Variants in ZSCAN12 observed in about 807,000 individuals in gnomAD.
ZSCAN12 encodes zinc finger and SCAN domain-containing protein 12.
ZSCAN12 carries 18 observed loss-of-function variants against 23.4 expected under a neutral mutation model. The ratio of observed to expected loss-of-function variants is 0.77; its 90% confidence interval spans 0.53 to 1.14. The LOEUF (loss-of-function observed/expected upper bound fraction) is 1.14. Among genes scored for constraint, ZSCAN12 ranks in the 50% most tolerant of loss-of-function variants. ZSCAN12 has a pLI of 0.00. For synonymous variants in ZSCAN12, 186 were observed against 253.4 expected, an observed-to-expected ratio of 0.73 and a Z score of 2.53; for missense variants, 650 against 735.0, an observed-to-expected ratio of 0.88 and a Z score of 1.34.
rs1760855650 is a variant in ZSCAN12 at position 28,391,840 on chromosome 6, C to G, written c.548-98G>C. On this transcript the variant is annotated intron_variant, in intron 3 of 3. Coordinates refer to ENST00000684592, the MANE Select transcript of ZSCAN12 (RefSeq NM_001163391.2). This position sits in a 1 kb window ranked among gnomAD's most constrained non-coding sequence, Gnocchi z 4.1. ...GTTTAGAAATAAAAAATGCAAGAGTCTACCATCTTAGTGATAAAGAGAGCA... is the reference window on the plus strand; with the variant it reads ...GTTTAGAAATAAAAAATGCAAGAGTGTACCATCTTAGTGATAAAGAGAGCA... 9.5e-7 allele frequency: 1 copy of G among 1,051,554 alleles called. No homozygotes were observed. Among genetic ancestry groups the G allele is most frequent in the South Asian group, 1.8e-5 (1 of 54,944 alleles). The allele number at this position is 1,051,554 out of a possible 1,614,324, so 65.1% of individuals were successfully genotyped here.
At chr6:28,393,103 A>G (rs1581779052) in intron 2 of ZSCAN12, 57 bp from the exon 3 acceptor site, 1 of 1,534,074 alleles carries the variant, frequency 6.5e-7, no homozygotes, top group Non-Finnish European at 8.8e-7. Context: ...AACAAAAAGT[A>G]TACTATTTGT....
At position 28,386,780 on chromosome 6, in the gene ZSCAN12, T is replaced by C. The variant is rs999710453; in HGVS notation, c.*3674A>G. 6.6e-6 allele frequency among the ~76,000 whole-genome samples: 1 copy of C among 152,212 alleles called. No individual in the cohort carries two copies. The highest frequency in any genetic ancestry group is 2.4e-5 in the African/African-American group (1 of 41,462). On this transcript the variant is annotated 3_prime_UTR_variant, in exon 4 of 4. Transcript: ENST00000684592. ...ACCTTTTTTTGGTACTACAACTGTA[T>C]TTAAGCATGAGAAATAACCAGAACA...
chr6:28,386,595 T>C lies in ZSCAN12; in HGVS notation c.*3859A>G, dbSNP rs1760553019. On this transcript the variant is annotated 3_prime_UTR_variant, in exon 4 of 4. Coordinates refer to ENST00000684592, the MANE Select transcript of ZSCAN12 (RefSeq NM_001163391.2). ...CCTAATGTAGCACTCCTATTCCATA[T>C]CTAACATGTCACATCCTCCATTTGC... Among the ~76,000 whole-genome samples the C allele has an allele frequency of 6.6e-6, 1 of 152,226 alleles. No homozygotes were observed. Among genetic ancestry groups the C allele is most frequent in the African/African-American group, 2.4e-5 (1 of 41,462 alleles).
chr6:28,384,143 C>T (rs568042753), downstream of ZSCAN12, among the ~76,000 whole-genome samples: 5 of 152,216 alleles, frequency 3.3e-5, 1 homozygote, highest in South Asian at 8.3e-4. Context: ...GTTCTTAAAC[C>T]CTATCTCAGG....
intron 2 of ZSCAN12, among the ~76,000 whole-genome samples, chr6:28,395,744 AT>A (rs1204004546): frequency 6.6e-6 from 1 of 152,132 alleles, no homozygotes; most frequent in African/African-American, 2.4e-5. Context: ...TAAGCATTTT[AT>A]TTCATCTCCT....
Position 28,390,446 on chromosome 6 carries a change from T to C in ZSCAN12, c.*8A>G. ...CCTGAACTCTGTGAGATAACTTCCC[T>C]GTAGTCATCACACAGAAACAGATTT... On this transcript the variant is annotated 3_prime_UTR_variant, in exon 4 of 4. Transcript: ENST00000684592. The C allele has an allele frequency of 6.6e-7, 1 of 1,525,504 alleles. No homozygotes were observed. The highest frequency in any genetic ancestry group is 8.8e-7 in the Non-Finnish European group (1 of 1,134,304). 94.5% of individuals were successfully genotyped at this position (1,525,504 alleles called of 1,614,324 possible). A position where few individuals can be genotyped will look rare whatever the true frequency, so the allele number is the denominator to read the frequency against.
At chr6:28,397,421 A>G (rs932411955) in intron 2 of ZSCAN12, among the ~76,000 whole-genome samples, 3 of 152,184 alleles carry the variant, frequency 2.0e-5, no homozygotes, top group Admixed American at 1.3e-4. Flanking sequence ...TAAAATCTCA[A>G]TTCCAGAGGT....
Position 28,398,250 on chromosome 6 carries a change from G to A in ZSCAN12, c.156C>T (p.Phe52=), listed in dbSNP as rs1382397742. Residue 52 remains phenylalanine (F), a synonymous_variant, in exon 2 of 4, where the codon TTC becomes TTT. Transcript: ENST00000684592. Reference sequence around the variant, plus strand: ...GGGGACCAGATGTCTCCTGGTAGCAGAACTGTCTGAAGTACTGACGGAAGA... The same window carrying A: ...GGGGACCAGATGTCTCCTGGTAGCAAAACTGTCTGAAGTACTGACGGAAGA... ...REVFRQYFRQ[F]CYQETSGPRE... 1.2e-6 allele frequency: 2 copies of A among 1,613,588 alleles called. No individual in the cohort carries two copies. The highest frequency in any genetic ancestry group is 2.7e-5 in the African/African-American group (2 of 74,928).
chr6:28,394,669 CACATTTAAA>C (rs1197093988), intron 2 of ZSCAN12, among the ~76,000 whole-genome samples: 3 of 152,148 alleles, frequency 2.0e-5, no homozygotes, highest in Non-Finnish European at 4.4e-5. Context: ...ACAAATTCAG[CACATTTAAA>C]ACCAAATTAC....
chr6:28,394,999 A>G (rs567520625), intron 2 of ZSCAN12, among the ~76,000 whole-genome samples: 44 of 151,966 alleles, frequency 2.9e-4, no homozygotes, highest in Non-Finnish European at 4.1e-4. Context: ...CAGTGGCAAG[A>G]TCTTGGTTCA....
intron 2 of ZSCAN12, among the ~76,000 whole-genome samples, chr6:28,394,057 T>C (rs1394955212): frequency 6.6e-6 from 1 of 152,220 alleles, no homozygotes; most frequent in Non-Finnish European, 1.5e-5. Context: ...CCATCACTTT[T>C]GGCTTCTCTC....
chr6:28,390,633 A>G lies in ZSCAN12; in HGVS notation c.1657T>C (p.Tyr553His). ...GCTTTTCCACACTCATCACATTGGT[A>G]GGGCTTCTCCCCAGTGTGGATTCTC... ...HQRIHTGEKP[Y>H]QCDECGKAFR... is the part of the protein sequence containing the mutation. Residue 553 changes from tyrosine (Y) to histidine (H), a missense_variant, in exon 4 of 4, where the codon TAC (tyrosine) becomes CAC (histidine). Coordinates refer to ENST00000684592, the MANE Select transcript of ZSCAN12 (RefSeq NM_001163391.2). 6.2e-7 allele frequency: 1 copy of G among 1,613,262 alleles called. No individual in the cohort carries two copies. The highest frequency in any genetic ancestry group is 8.5e-7 in the Non-Finnish European group (1 of 1,179,624).
At chr6:28,382,238 T>C, downstream of ZSCAN12, 1 of 378,332 alleles carries the variant, frequency 2.6e-6, no homozygotes, top group Non-Finnish European at 4.6e-6. Flanking sequence ...TTCCAGCACC[T>C]GCTTCATAAT....
rs527455749 is a variant in ZSCAN12 at position 28,385,282 on chromosome 6, T to C, written c.*5172A>G. Among the ~76,000 whole-genome samples the C allele has an allele frequency of 3.3e-5, 5 of 152,310 alleles. 1 individual carries two copies. Among genetic ancestry groups the C allele is most frequent in the Admixed American group, 3.3e-4 (5 of 15,306 alleles). Reference sequence around the variant, plus strand: ...CATTCTAAGAAGGGTGATCTTTTCATATAAAGAGCCCATTTTTAAAGTGGA... The same window carrying C: ...CATTCTAAGAAGGGTGATCTTTTCACATAAAGAGCCCATTTTTAAAGTGGA... On this transcript the variant is annotated 3_prime_UTR_variant, in exon 4 of 4. Coordinates refer to ENST00000684592, the MANE Select transcript of ZSCAN12 (RefSeq NM_001163391.2).
Position 28,398,231 on chromosome 6 carries a change from C to T in ZSCAN12, c.175G>A (p.Gly59Ser). 1 of 1,614,096 alleles carries T rather than the reference C, an allele frequency of 6.2e-7. No homozygotes were observed. Among genetic ancestry groups the T allele is most frequent in the Non-Finnish European group, 8.5e-7 (1 of 1,180,010 alleles). ...FRQFCYQETS[G>S]PREALSRLRE... ...AGTCGGCTCAAAGCCTCACGGGGAC[C>T]AGATGTCTCCTGGTAGCAGAACTGT... is the stretch of plus-strand genomic sequence containing the variant. The change falls in exon 2 of 4, where the codon GGT (glycine) becomes AGT (serine). Residue 59 changes from glycine to serine, a missense_variant. Gly to Ser is a moderately conservative substitution (Grantham distance 56). Transcript: ENST00000684592.
rs987051438 is a variant in ZSCAN12 at position 28,391,562 on chromosome 6, T to C, written c.728A>G (p.Asp243Gly). ...TEEPSACSRE[D>G]KQPTCDENGV... Reference sequence around the variant, plus strand: ...ATTTTCATCACAGGTAGGTTGTTTATCTTCTCTGGAGCAAGCAGAGGGCTC... The same window carrying C: ...ATTTTCATCACAGGTAGGTTGTTTACCTTCTCTGGAGCAAGCAGAGGGCTC... The change falls in exon 4 of 4, where the codon GAT becomes GGT. Residue 243 changes from aspartate (D) to glycine (G), a missense_variant. By Grantham distance (94) the Asp-to-Gly change is moderately conservative (BLOSUM62 -1). Coordinates refer to ENST00000684592, the MANE Select transcript of ZSCAN12 (RefSeq NM_001163391.2). This position sits in a 1 kb window ranked among gnomAD's most constrained non-coding sequence, Gnocchi z 4.1. 2 of 1,552,248 alleles carry C rather than the reference T, an allele frequency of 1.3e-6. No individual in the cohort carries two copies. Among genetic ancestry groups the C allele is most frequent in the Non-Finnish European group, 1.7e-6 (2 of 1,147,074 alleles).
In ZSCAN12 at chr6:28,386,378, C is replaced by A. The variant is rs1298076677; in HGVS notation, c.*4076G>T. Among the ~76,000 whole-genome samples the A allele has an allele frequency of 6.6e-6, 1 of 152,194 alleles. No individual in the cohort carries two copies. Among genetic ancestry groups the A allele is most frequent in the African/African-American group, 2.4e-5 (1 of 41,438 alleles). On this transcript the variant is annotated 3_prime_UTR_variant, in exon 4 of 4. Transcript: ENST00000684592. ...TACAATTGATGACCGTTATTTCTACCTTGGACCTGCTTCGCTTTTATATTC... is the reference window on the plus strand; with the variant it reads ...TACAATTGATGACCGTTATTTCTACATTGGACCTGCTTCGCTTTTATATTC...
At chr6:28,396,601 T>C (rs138820223) in intron 2 of ZSCAN12, among the ~76,000 whole-genome samples, 1,982 of 151,904 alleles carry the variant, frequency 0.013, 48 homozygotes, top group African/African-American at 0.044. Context: ...CTTTTTTCTG[T>C]TTGTTTGTTT....
At chr6:28,382,568 G>T (rs756728460), downstream of ZSCAN12, 47 of 1,551,662 alleles carry the variant, frequency 3.0e-5, no homozygotes, top group Non-Finnish European at 4.0e-5. Flanking sequence ...TTGGGGTTCA[G>T]AGTGATTTTT....
Sources: gnomAD v4.1 joint callset for allele counts (sites outside exome capture counted in the v4.1 genomes callset) on GRCh38, gnomAD v4.1.1 for gene constraint, Gnocchi (gnomAD v3.1) non-coding constraint, MANE v1.5 for transcripts, NCBI Gene and HGNC (gene_info 2026-07-23, HGNC 2026-07-21) for gene names.